Variants in CHRM3 observed in about 807,000 individuals in gnomAD.
CHRM3 encodes the protein muscarinic acetylcholine receptor M3.
A neutral mutation model predicts 41.8 loss-of-function variants in CHRM3; 11 were observed. The observed-to-expected ratio is 0.26, with a 90% CI of 0.17 to 0.44. The LOEUF is 0.44. CHRM3 is among the 20% of genes least tolerant of loss of function. CHRM3 has a pLI of 1.00. For missense variants in CHRM3, 571 were observed against 745.4 expected, an observed-to-expected ratio of 0.77 and a Z score of 2.72; for synonymous variants, 297 against 301.4, an observed-to-expected ratio of 0.99 and a Z score of 0.15.
At chr1:239,540,312 T>C (rs1658644969) in intron 2 of CHRM3, among the ~76,000 whole-genome samples, 1 of 152,222 alleles carries the variant, frequency 6.6e-6, no homozygotes, top group Admixed American at 6.5e-5. Context: ...AATCGGGAAG[T>C]GTTAAGGTAA....
At chr1:239,769,144 T>C (rs922041944) in intron 5 of CHRM3, among the ~76,000 whole-genome samples, 5 of 152,144 alleles carry the variant, frequency 3.3e-5, no homozygotes, top group Non-Finnish European at 7.3e-5. Flanking sequence ...TTCATTCAAT[T>C]GTTCTATAGG....
chr1:239,552,901 G>C (rs1660005571), intron 3 of CHRM3, among the ~76,000 whole-genome samples: 1 of 151,852 alleles, frequency 6.6e-6, no homozygotes, highest in Non-Finnish European at 1.5e-5. Flanking sequence ...GAACATTTCT[G>C]GATTACTATT....
intron 3 of CHRM3, among the ~76,000 whole-genome samples, chr1:239,589,638 CTATATATA>C (rs10592228): frequency 0.088 from 11,018 of 124,804 alleles, 816 homozygotes; most frequent in African/African-American, 0.21. Flanking sequence ...ATATAAAAAA[CTATATATA>C]TATATATATA....
At chr1:239,673,601 A>C (rs914789265) in intron 4 of CHRM3, among the ~76,000 whole-genome samples, 8 of 152,148 alleles carry the variant, frequency 5.3e-5, no homozygotes, top group Admixed American at 5.2e-4. Flanking sequence ...ACATTATAAG[A>C]ATGAGATTAT....
At chr1:239,442,589 T>C (rs955491759) in intron 1 of CHRM3, among the ~76,000 whole-genome samples, 3 of 152,168 alleles carry the variant, frequency 2.0e-5, no homozygotes, top group African/African-American at 7.2e-5. Flanking sequence ...GTGGGGAATT[T>C]GGATCAGACT....
intron 6 of CHRM3, among the ~76,000 whole-genome samples, chr1:239,879,896 T>C (rs6429162): frequency 0.088 from 13,405 of 152,282 alleles, 1,895 homozygotes; most frequent in African/African-American, 0.29. Context: ...CATGAAACTA[T>C]AATGATAATT....
At position 239,909,421 on chromosome 1, in the gene CHRM3, G is replaced by GAAAA. The variant is rs5782110; in HGVS notation, c.*204_*207dup. 0.016 allele frequency: 6,609 copies of GAAAA among 423,322 alleles called. No individual in the cohort carries two copies. The highest frequency in any genetic ancestry group is 0.018 in the Non-Finnish European group (4,191 of 233,344). 26.2% of individuals were successfully genotyped at this position (423,322 alleles called of 1,614,324 possible). A position where few individuals can be genotyped will look rare whatever the true frequency, so the allele number is the denominator to read the frequency against. On this transcript the variant is annotated 3_prime_UTR_variant, in exon 7 of 7. Coordinates refer to ENST00000676153, the MANE Select transcript of CHRM3 (RefSeq NM_001375978.1). Reference sequence around the variant, plus strand: ...AAAGTCAATACCAATTCAGCAAAAAGAAAAAAAAAACATACTACTGAATAT... The same window carrying GAAAA: ...AAAGTCAATACCAATTCAGCAAAAAGAAAAAAAAAAAAAACATACTACTGAATAT...
At chr1:239,765,214 A>G (rs1474749943) in intron 5 of CHRM3, among the ~76,000 whole-genome samples, 1 of 152,200 alleles carries the variant, frequency 6.6e-6, no homozygotes, top group Admixed American at 6.5e-5. Flanking sequence ...TTGATCTTGC[A>G]TGACAGAAGC....
intron 3 of CHRM3, among the ~76,000 whole-genome samples, chr1:239,559,044 A>T (rs2148480623): frequency 6.6e-6 from 1 of 152,256 alleles, no homozygotes. Flanking sequence ...TTTTCCACCA[A>T]TATGCACTTC....
intron 3 of CHRM3, among the ~76,000 whole-genome samples, chr1:239,554,247 A>G (rs1296063153): frequency 5.3e-5 from 8 of 152,314 alleles, no homozygotes; most frequent in Admixed American, 4.6e-4. Context: ...AAAGAAAGTC[A>G]TGTTGTAGAT....
chr1:239,839,906 C>T (rs1673649892), intron 6 of CHRM3, among the ~76,000 whole-genome samples: 1 of 152,182 alleles, frequency 6.6e-6, no homozygotes, highest in African/African-American at 2.4e-5. Context: ...AGGCTAGGCT[C>T]TTCTCCCAGC....
chr1:239,581,003 A>G (rs1331289260), intron 3 of CHRM3, among the ~76,000 whole-genome samples: 1 of 151,844 alleles, frequency 6.6e-6, no homozygotes, highest in Non-Finnish European at 1.5e-5. Flanking sequence ...GGCTCTTGAC[A>G]TAAACCTCAG....
chr1:239,847,002 C>T (rs1026774696), intron 6 of CHRM3, among the ~76,000 whole-genome samples: 14 of 152,148 alleles, frequency 9.2e-5, no homozygotes, highest in Admixed American at 6.6e-4. Flanking sequence ...GGTTTAGAAG[C>T]AGGCTAAGCT....
intron 3 of CHRM3, among the ~76,000 whole-genome samples, chr1:239,604,469 T>G (rs1387480888): frequency 6.6e-6 from 1 of 152,228 alleles, no homozygotes; most frequent in Non-Finnish European, 1.5e-5. Flanking sequence ...TATTGAGAAA[T>G]GGAAAGATTG....
At chr1:239,635,856 A>G (rs1167090109) in intron 4 of CHRM3, among the ~76,000 whole-genome samples, 1 of 152,194 alleles carries the variant, frequency 6.6e-6, no homozygotes, top group Non-Finnish European at 1.5e-5. Context: ...GTAAATGAAT[A>G]TAGAGTCAGA....
intron 1 of CHRM3, among the ~76,000 whole-genome samples, chr1:239,465,860 C>G (rs1558243680): frequency 6.6e-6 from 1 of 152,074 alleles, no homozygotes; most frequent in Admixed American, 6.6e-5. Context: ...CCCTGTCTAC[C>G]TCTTCCACCT....
intron 1 of CHRM3, among the ~76,000 whole-genome samples, chr1:239,418,066 T>G (rs1162181746): frequency 6.6e-6 from 1 of 152,140 alleles, no homozygotes; most frequent in South Asian, 2.1e-4. Context: ...GTATATACAT[T>G]TAGAAGCTGA....
chr1:239,883,885 G>A (rs1677849766), intron 6 of CHRM3, among the ~76,000 whole-genome samples: 1 of 152,136 alleles, frequency 6.6e-6, no homozygotes, highest in Non-Finnish European at 1.5e-5. Flanking sequence ...TTCTTTTGAA[G>A]TATTTTTGAA....
intron 4 of CHRM3, among the ~76,000 whole-genome samples, chr1:239,666,117 T>G (rs2149036235): frequency 6.6e-6 from 1 of 152,236 alleles, no homozygotes; most frequent in East Asian, 1.9e-4. Context: ...ATGGTTGAAC[T>G]AATTTACACT....
Sources: gnomAD v4.1 joint callset for allele counts (sites outside exome capture counted in the v4.1 genomes callset) on GRCh38, gnomAD v4.1.1 for gene constraint, MANE v1.5 for transcripts, NCBI Gene and HGNC (gene_info 2026-07-23, HGNC 2026-07-21) for gene names.